Variants in MARCHF10 observed in about 807,000 individuals in gnomAD.
MARCHF10 encodes probable E3 ubiquitin-protein ligase MARCHF10.
In MARCHF10, 64 loss-of-function variants were observed where a neutral mutation model predicts 76.2. The observed-to-expected ratio is 0.84, with a 90% CI of 0.69 to 1.03. The LOEUF is 1.03. Among genes scored for constraint, MARCHF10 ranks in the 50% least tolerant of loss-of-function variants. The pLI, the probability that MARCHF10 is intolerant of heterozygous loss-of-function variation, is 0.00. For synonymous variants in MARCHF10, 340 were observed against 357.5 expected, an observed-to-expected ratio of 0.95 and a Z score of 0.55; for missense variants, 875 against 958.0, an observed-to-expected ratio of 0.91 and a Z score of 1.14.
chr17:62,800,190 G>C (rs921961520), intron 2 of MARCHF10, among the ~76,000 whole-genome samples: 1 of 152,170 alleles, frequency 6.6e-6, no homozygotes, highest in Non-Finnish European at 1.5e-5. Flanking sequence ...CTGAATGAAT[G>C]AATGAAAAGG....
At chr17:62,800,501 G>A (rs1298905563) in intron 2 of MARCHF10, among the ~76,000 whole-genome samples, 1 of 152,250 alleles carries the variant, frequency 6.6e-6, no homozygotes, top group East Asian at 1.9e-4. Context: ...TGCTGACTCT[G>A]TTTCCAGCCC....
rs776493145 is a variant in MARCHF10 at position 62,705,633 on chromosome 17, G to A, written c.2329-52C>T. 11 of 1,606,066 alleles carry A rather than the reference G, an allele frequency of 6.8e-6. No individual in the cohort carries two copies. The Admixed American group carries it at 1.7e-4, about 25-fold the overall frequency. On this transcript the variant is annotated intron_variant, in intron 9 of 10. Transcript: ENST00000311269. ...GAATTGTTTTTTCCAATACGATTGTGAACAGATGTATAACCTCCTAGTCGC... is the reference window on the plus strand; with the variant it reads ...GAATTGTTTTTTCCAATACGATTGTAAACAGATGTATAACCTCCTAGTCGC...
chr17:62,732,758 T>C (rs116058430), intron 6 of MARCHF10, among the ~76,000 whole-genome samples: 2,286 of 152,168 alleles, frequency 0.015, 74 homozygotes, highest in African/African-American at 0.052. Context: ...TTTGAGGGGA[T>C]GAGGCGGGCT....
chr17:62,729,921 C>A (rs933529959), intron 6 of MARCHF10, among the ~76,000 whole-genome samples: 5 of 94,282 alleles, frequency 5.3e-5, no homozygotes, highest in African/African-American at 1.3e-4. Flanking sequence ...CAGTGGCTCA[C>A]GCCTGTAATC....
chr17:62,792,380 T>C (rs2092859517), intron 2 of MARCHF10, among the ~76,000 whole-genome samples: 1 of 152,030 alleles, frequency 6.6e-6, no homozygotes, highest in South Asian at 2.1e-4. Context: ...AAGAGGAAGT[T>C]GCAGATTGTT....
intron 3 of MARCHF10, among the ~76,000 whole-genome samples, chr17:62,762,420 G>T (rs926022891): frequency 2.0e-5 from 3 of 152,256 alleles, no homozygotes; most frequent in African/African-American, 4.8e-5. Flanking sequence ...GGCAAGAAGT[G>T]TAATACTTAC....
intron 5 of MARCHF10, among the ~76,000 whole-genome samples, chr17:62,740,533 C>T (rs927787979): frequency 6.6e-6 from 1 of 152,074 alleles, no homozygotes; most frequent in Non-Finnish European, 1.5e-5. Context: ...AATAAAAATC[C>T]CCCATAATCC....
chr17:62,702,715 G>T (rs1485147255), intron 10 of MARCHF10, among the ~76,000 whole-genome samples: 3 of 152,180 alleles, frequency 2.0e-5, no homozygotes, highest in African/African-American at 7.2e-5. Context: ...GTTTCTGCCT[G>T]TTGTGGAAGA....
rs141146136 is a variant in MARCHF10 at position 62,791,301 on chromosome 17, A to T, written c.91-2702T>A. Among the ~76,000 whole-genome samples the T allele has an allele frequency of 1.3e-3, 192 of 152,306 alleles. 1 individual carries two copies. Among genetic ancestry groups the T allele is most frequent in the African/African-American group, 4.3e-3 (180 of 41,560 alleles). ...GGAGTGTTGTTTCCGAAAGGGGCAGATGTCTGTGCCGTCCTAACCTACTGG... is the reference window on the plus strand; with the variant it reads ...GGAGTGTTGTTTCCGAAAGGGGCAGTTGTCTGTGCCGTCCTAACCTACTGG... On this transcript the variant is annotated intron_variant, in intron 2 of 10. Coordinates refer to ENST00000311269, the MANE Select transcript of MARCHF10 (RefSeq NM_152598.4).
At chr17:62,806,684 G>C (rs1321143233) in intron 1 of MARCHF10, 1 of 152,196 alleles carries the variant, frequency 6.6e-6, no homozygotes, top group African/African-American at 2.4e-5. Flanking sequence ...AATTTTAATG[G>C]GGGAATATTC....
chr17:62,791,915 T>C (rs543409301), intron 2 of MARCHF10, among the ~76,000 whole-genome samples: 36 of 152,254 alleles, frequency 2.4e-4, no homozygotes, highest in African/African-American at 7.9e-4. Context: ...TTGTAATTCA[T>C]AACCAATAGC....
chr17:62,778,649 C>G (rs1216855611), intron 3 of MARCHF10, among the ~76,000 whole-genome samples: 1 of 143,552 alleles, frequency 7.0e-6, no homozygotes, highest in African/African-American at 2.6e-5. Flanking sequence ...CGCCACTGCA[C>G]TCCAGCCTGG....
intron 3 of MARCHF10, among the ~76,000 whole-genome samples, chr17:62,764,060 G>A (rs990522744): frequency 6.6e-6 from 1 of 152,118 alleles, no homozygotes; most frequent in African/African-American, 2.4e-5. Context: ...TAGATGTCCT[G>A]GAAGGTGAAA....
chr17:62,742,170 C>A (rs1281696959), intron 5 of MARCHF10, among the ~76,000 whole-genome samples: 1 of 151,934 alleles, frequency 6.6e-6, no homozygotes, highest in Non-Finnish European at 1.5e-5. Context: ...CAGGCATGTG[C>A]CACCACGCCC....
chr17:62,730,417 T>C (rs375264862), intron 6 of MARCHF10, among the ~76,000 whole-genome samples: 7 of 152,252 alleles, frequency 4.6e-5, no homozygotes, highest in African/African-American at 1.4e-4. Context: ...GAACCTCATC[T>C]AATACCATAC....
intron 5 of MARCHF10, 40 bp from the exon 6 acceptor site, chr17:62,737,372 G>A (rs1189703371): frequency 6.3e-7 from 1 of 1,580,012 alleles, no homozygotes; most frequent in Non-Finnish European, 8.6e-7. Flanking sequence ...CCAGTAAAAG[G>A]GCCCATGGAT....
At chr17:62,790,436 A>G (rs1415382861) in intron 2 of MARCHF10, among the ~76,000 whole-genome samples, 2 of 152,226 alleles carry the variant, frequency 1.3e-5, no homozygotes, top group African/African-American at 4.8e-5. Flanking sequence ...TCAGCCTCCC[A>G]AAGTGCTGAG....
At chr17:62,759,233 C>T (rs776517494) in intron 4 of MARCHF10, among the ~76,000 whole-genome samples, 13 of 152,176 alleles carry the variant, frequency 8.5e-5, no homozygotes, top group Non-Finnish European at 1.8e-4. Flanking sequence ...GGGCCAAATG[C>T]CTTTATCCCC....
chr17:62,739,774 C>G (rs1280397662), intron 5 of MARCHF10, among the ~76,000 whole-genome samples: 1 of 152,188 alleles, frequency 6.6e-6, no homozygotes, highest in African/African-American at 2.4e-5. Context: ...CCTGAACGCA[C>G]ATGACCCATC....
Sources: allele counts gnomAD v4.1 joint callset (sites outside exome capture counted in the v4.1 genomes callset), GRCh38; gene constraint gnomAD v4.1.1; transcripts MANE v1.5; gene names NCBI Gene and HGNC (gene_info 2026-07-23, HGNC 2026-07-21).